Variants in GLUD1 observed in about 807,000 individuals in gnomAD.
GLUD1 encodes the protein glutamate dehydrogenase 1.
In GLUD1, 22 loss-of-function variants were observed where a neutral mutation model predicts 56.0. That is an observed-to-expected ratio of 0.39 (90% CI 0.28 to 0.56). The LOEUF is 0.56. GLUD1 is among the 20% of genes least tolerant of loss of function. GLUD1 has a pLI of 0.58. For synonymous variants in GLUD1, 223 were observed against 269.9 expected (o/e 0.83, Z 1.70); for missense variants, 451 against 732.0 (o/e 0.62, Z 4.43).
At chr10:87,061,974 G>A (rs370707676) in intron 6 of GLUD1, among the ~76,000 whole-genome samples, 1 of 152,186 alleles carries the variant, frequency 6.6e-6, no homozygotes, top group African/African-American at 2.4e-5. Flanking sequence ...AGCGGAGACC[G>A]GGTTTCACCA....
At chr10:87,082,113 C>T (rs537372805) in intron 1 of GLUD1, among the ~76,000 whole-genome samples, 3 of 152,220 alleles carry the variant, frequency 2.0e-5, no homozygotes, top group East Asian at 3.9e-4. Context: ...AACTTAGAAA[C>T]TTAAAAATTT....
chr10:87,060,659 G>A (rs1367471087), intron 8 of GLUD1, 29 bp downstream of exon 8: 1 of 1,613,818 alleles, frequency 6.2e-7, no homozygotes, highest in Non-Finnish European at 8.5e-7. Flanking sequence ...CATTGATAAT[G>A]TTGGTTCTGG....
chr10:87,090,631 A>G (rs1322008569), intron 1 of GLUD1, among the ~76,000 whole-genome samples: 1 of 152,214 alleles, frequency 6.6e-6, no homozygotes, highest in Non-Finnish European at 1.5e-5. Flanking sequence ...TGTATTAAAA[A>G]CAACAACCTC....
In GLUD1 at chr10:87,094,669, C is replaced by A; in HGVS notation, c.101G>T (p.Arg34Leu). 1 of 1,558,596 alleles carries A rather than the reference C, an allele frequency of 6.4e-7. No individual in the cohort carries two copies. The change falls in exon 1 of 13, where the codon CGG becomes CTG. Residue 34 changes from arginine (R) to leucine (L), a missense_variant. By Grantham distance (102) the Arg-to-Leu change is moderately radical. This residue lies in a region of GLUD1 where 158 missense variants were observed against 189.7 expected (regional missense o/e 0.83). Transcript: ENST00000277865. The surrounding 1 kb of genome is among the most constrained non-coding windows in gnomAD (Gnocchi z 6.6). ...CTGCGGGGCGGCGGCGGGCTGTCCC[C>A]GGGCCCAGCCCAGCAACGCGGCCGA... ...ADSAALLGWARGQPAAAPQPG... is the reference protein window; with the variant it reads ...ADSAALLGWALGQPAAAPQPG...
chr10:87,081,180 G>A (rs1362913062), intron 1 of GLUD1, among the ~76,000 whole-genome samples: 2 of 120,086 alleles, frequency 1.7e-5, no homozygotes, highest in East Asian at 2.4e-4. Flanking sequence ...CAGCCGCCCC[G>A]TCCAGGAGGG....
chr10:87,081,190 G>T (rs1218535771), intron 1 of GLUD1, among the ~76,000 whole-genome samples: 1 of 123,040 alleles, frequency 8.1e-6, no homozygotes, highest in African/African-American at 3.5e-5. Flanking sequence ...GTCCAGGAGG[G>T]AGGTGGGGGG....
intron 5 of GLUD1, among the ~76,000 whole-genome samples, chr10:87,066,422 T>C (rs1031042275): frequency 1.3e-5 from 2 of 152,222 alleles, no homozygotes; most frequent in Non-Finnish European, 2.9e-5. Flanking sequence ...AGCAGTAACC[T>C]GGCCTGACCC....
chr10:87,076,393 TG>T (rs1158135357), intron 2 of GLUD1, among the ~76,000 whole-genome samples, 182 bp downstream of exon 2: 1 of 125,606 alleles, frequency 8.0e-6, no homozygotes, highest in Non-Finnish European at 1.6e-5. Context: ...AAATCCCCCA[TG>T]TAAAAAAAAA....
chr10:87,059,383 C>T lies in GLUD1; in HGVS notation c.1279-110G>A, dbSNP rs922941126. On this transcript the variant is annotated intron_variant, in intron 9 of 12. Coordinates refer to ENST00000277865, the MANE Select transcript of GLUD1 (RefSeq NM_005271.5). ...CCAAGGTAGACTGGACTTTAAATATCGCAAATATATTTTAGCCAGTATCAG... is the reference window on the plus strand; with the variant it reads ...CCAAGGTAGACTGGACTTTAAATATTGCAAATATATTTTAGCCAGTATCAG... The T allele has an allele frequency of 6.8e-6, 7 of 1,026,858 alleles. No homozygotes were observed. The East Asian group carries it at 9.5e-5, about 14-fold the overall frequency. 63.6% of individuals were successfully genotyped at this position (1,026,858 alleles called of 1,614,324 possible).
intron 1 of GLUD1, among the ~76,000 whole-genome samples, chr10:87,080,584 C>T (rs1841200717): frequency 6.6e-6 from 1 of 151,606 alleles, no homozygotes; most frequent in South Asian, 2.1e-4. Context: ...GCGCCTTTGC[C>T]CCGCCGCCCC....
intron 1 of GLUD1, among the ~76,000 whole-genome samples, chr10:87,078,191 T>C (rs1846454291): frequency 6.6e-6 from 1 of 152,244 alleles, no homozygotes; most frequent in African/African-American, 2.4e-5. Context: ...GAACTATATC[T>C]TGTGTATAAC....
chr10:87,065,742 ATACT>A (rs1460754061), intron 5 of GLUD1, among the ~76,000 whole-genome samples: 1 of 152,106 alleles, frequency 6.6e-6, no homozygotes, highest in Non-Finnish European at 1.5e-5. Flanking sequence ...TTATTTTCTG[ATACT>A]TACTAAGGGC....
intron 11 of GLUD1, 152 bp downstream of exon 11, chr10:87,057,539 G>GA: frequency 1.5e-6 from 1 of 658,772 alleles, no homozygotes; most frequent in Non-Finnish European, 2.8e-6. Context: ...AGAATGTAAT[G>GA]AAAAGGAAAG....
At position 87,094,620 on chromosome 10, in the gene GLUD1, C is replaced by G. The variant is rs746606279; in HGVS notation, c.150G>C (p.Arg50=). ...APQPGLALAA[R]RHYSEAVADR... ...CGGCCACCGCCTCGCTGTAGTGGCG[C>G]CGGGCGGCCAATGCCAGCCCCGGCT... Residue 50 remains arginine, a synonymous_variant, in exon 1 of 13, where the codon CGG becomes CGC. Coordinates refer to ENST00000277865, the MANE Select transcript of GLUD1 (RefSeq NM_005271.5). The surrounding 1 kb of genome is among the most constrained non-coding windows in gnomAD (Gnocchi z 6.6). 452 of 1,610,026 alleles carry G rather than the reference C, an allele frequency of 2.8e-4. No homozygotes were observed. Among genetic ancestry groups the G allele is most frequent in the Non-Finnish European group, 3.7e-4 (441 of 1,179,436 alleles).
rs539127358 is a variant in GLUD1, at chr10:87,081,757, G to C, written c.446-5101C>G. 1.5e-4 allele frequency among the ~76,000 whole-genome samples: 23 copies of C among 151,702 alleles called. No homozygotes were observed. The South Asian group carries it at 2.5e-3, about 16-fold the overall frequency. ...ACAGATGCTTGAAGGCAGCATGCTCGTTAAGAGTCATCACCACTCCCTAAT... is the reference window on the plus strand; with the variant it reads ...ACAGATGCTTGAAGGCAGCATGCTCCTTAAGAGTCATCACCACTCCCTAAT... On this transcript the variant is annotated intron_variant, in intron 1 of 12. Coordinates refer to ENST00000277865, the MANE Select transcript of GLUD1 (RefSeq NM_005271.5).
intron 3 of GLUD1, among the ~76,000 whole-genome samples, chr10:87,075,302 G>A (rs1219482142): frequency 1.3e-5 from 2 of 152,070 alleles, no homozygotes; most frequent in Non-Finnish European, 2.9e-5. Context: ...GGGTATAAGT[G>A]TCTAAGTGAA....
At chr10:87,087,590 G>T (rs769155842) in intron 1 of GLUD1, among the ~76,000 whole-genome samples, 1 of 152,210 alleles carries the variant, frequency 6.6e-6, no homozygotes, top group African/African-American at 2.4e-5. Context: ...ACATTCAGGA[G>T]CTCTGTGTTG....
intron 4 of GLUD1, among the ~76,000 whole-genome samples, chr10:87,069,765 T>C (rs1192722881): frequency 3.9e-5 from 6 of 152,164 alleles, no homozygotes; most frequent in African/African-American, 1.4e-4. Context: ...TCGCTTTTTA[T>C]ACCCTGACCC....
chr10:87,076,148 A>C lies in GLUD1; in HGVS notation c.527-125T>G, dbSNP rs1846387101. 3.9e-6 allele frequency: 3 copies of C among 766,978 alleles called. No individual in the cohort carries two copies. The Admixed American group carries it at 5.6e-5, about 14-fold the overall frequency. The allele number at this position is 766,978 out of a possible 1,614,324, so 47.5% of individuals were successfully genotyped here. ...TTGAATTTCTGAAAATTCAAGAAAT[A>C]AACCTACCATCATTTTCTAAACTGT... On this transcript the variant is annotated intron_variant, in intron 2 of 12. Transcript: ENST00000277865.
Sources: allele counts gnomAD v4.1 joint callset (sites outside exome capture counted in the v4.1 genomes callset), GRCh38; gene constraint gnomAD v4.1.1; regional missense constraint gnomAD v4.1.1; non-coding constraint Gnocchi (gnomAD v3.1); transcripts MANE v1.5; gene names NCBI Gene and HGNC (gene_info 2026-07-23, HGNC 2026-07-21).